The following ABHD17B variants were observed in gnomAD, a reference collection of about 807,000 sequenced individuals.
The protein encoded by ABHD17B is abhydrolase domain containing 17B, depalmitoylase.
In ABHD17B, 9 loss-of-function variants were observed where a neutral mutation model predicts 26.2. The ratio of observed to expected loss-of-function variants is 0.34; its 90% CI spans 0.21 to 0.60. ABHD17B has a LOEUF of 0.60. Ranked by LOEUF, ABHD17B falls within the 20% of genes least tolerant of loss-of-function variation. ABHD17B has a pLI of 0.80. For synonymous variants in ABHD17B, 127 were observed against 122.3 expected (o/e 1.04, Z -0.25); for missense variants, 224 against 352.1 (o/e 0.64, Z 2.91).
chr9:71,910,276 G>A (rs1008222283), intron 1 of ABHD17B, among the ~76,000 whole-genome samples: 1 of 152,112 alleles, frequency 6.6e-6, no homozygotes, highest in East Asian at 1.9e-4. Context: ...GAAAAGCAAA[G>A]GAAATGAAAT....
chr9:71,900,490 A>AAAT (rs1448738980), intron 1 of ABHD17B, among the ~76,000 whole-genome samples: 1 of 151,874 alleles, frequency 6.6e-6, no homozygotes, highest in East Asian at 1.9e-4. Context: ...TCTCTACTAA[A>AAAT]AATACAAAAA....
chr9:71,890,780 T>C (rs2132177960), intron 1 of ABHD17B, among the ~76,000 whole-genome samples: 1 of 152,338 alleles, frequency 6.6e-6, no homozygotes, highest in Middle Eastern at 3.4e-3. Context: ...TTTTTGCCTT[T>C]TTATTACATT....
intron 1 of ABHD17B, among the ~76,000 whole-genome samples, chr9:71,902,015 A>T (rs1216064247): frequency 1.3e-5 from 2 of 152,106 alleles, no homozygotes; most frequent in Non-Finnish European, 2.9e-5. Context: ...TCATTTATTT[A>T]ATTTAACAGG....
intron 1 of ABHD17B, among the ~76,000 whole-genome samples, chr9:71,906,719 G>A (rs1827294992): frequency 6.6e-6 from 1 of 152,106 alleles, no homozygotes; most frequent in Admixed American, 6.6e-5. Flanking sequence ...TCAGGAGGCT[G>A]AAGTGGGAGG....
At chr9:71,862,687 T>C (rs1589202398), downstream of ABHD17B, 1 of 615,070 alleles carries the variant, frequency 1.6e-6, no homozygotes, top group Admixed American at 3.3e-5. Context: ...TAACTGTTTA[T>C]GAAAAATCAC....
intron 1 of ABHD17B, among the ~76,000 whole-genome samples, chr9:71,885,960 A>C (rs921943188): frequency 6.6e-5 from 10 of 152,214 alleles, no homozygotes; most frequent in Non-Finnish European, 1.0e-4. Flanking sequence ...AAAACATTTA[A>C]AAGAATGCTT....
intron 1 of ABHD17B, among the ~76,000 whole-genome samples, chr9:71,907,717 G>C (rs1256590470): frequency 6.6e-6 from 1 of 152,098 alleles, no homozygotes; most frequent in Non-Finnish European, 1.5e-5. Context: ...CTCCATGTTG[G>C]TCAGGCTGGT....
intron 1 of ABHD17B, among the ~76,000 whole-genome samples, chr9:71,878,202 T>C (rs1826336259): frequency 6.6e-6 from 1 of 152,168 alleles, no homozygotes; most frequent in African/African-American, 2.4e-5. Flanking sequence ...AACTTGTTCT[T>C]ATAAAACTCA....
At chr9:71,885,358 T>C (rs1589221560) in intron 1 of ABHD17B, among the ~76,000 whole-genome samples, 2 of 150,368 alleles carry the variant, frequency 1.3e-5, no homozygotes, top group African/African-American at 4.9e-5. Context: ...TACTCAGGAG[T>C]CTGAGGCAGG....
At chr9:71,905,484 T>TA (rs1159040899) in intron 1 of ABHD17B, among the ~76,000 whole-genome samples, 1 of 152,148 alleles carries the variant, frequency 6.6e-6, no homozygotes, top group African/African-American at 2.4e-5. Flanking sequence ...TTCTACCTTC[T>TA]AAAATATCTG....
chr9:71,895,360 A>G (rs919601467), intron 1 of ABHD17B, among the ~76,000 whole-genome samples: 1 of 152,240 alleles, frequency 6.6e-6, no homozygotes, highest in Admixed American at 6.5e-5. Flanking sequence ...CTGGAAGCCA[A>G]GAAGTTATAA....
At chr9:71,872,903 T>C (rs2132133557) in intron 2 of ABHD17B, among the ~76,000 whole-genome samples, 1 of 152,190 alleles carries the variant, frequency 6.6e-6, no homozygotes, top group East Asian at 1.9e-4. Flanking sequence ...TGTTTTTATA[T>C]AATTTCAGTT....
intron 2 of ABHD17B, among the ~76,000 whole-genome samples, chr9:71,872,318 C>T (rs1265995907): frequency 2.0e-5 from 3 of 152,096 alleles, no homozygotes; most frequent in African/African-American, 7.2e-5. Flanking sequence ...ATGAAATCTG[C>T]CCATTCCTGA....
chr9:71,895,351 T>C (rs958710112), intron 1 of ABHD17B, among the ~76,000 whole-genome samples: 1 of 152,204 alleles, frequency 6.6e-6, no homozygotes, highest in African/African-American at 2.4e-5. Flanking sequence ...TTCTTAGACC[T>C]GGAAGCCAAG....
chr9:71,905,788 G>C (rs1029185489), intron 1 of ABHD17B, among the ~76,000 whole-genome samples: 16 of 152,152 alleles, frequency 1.1e-4, no homozygotes, highest in African/African-American at 3.9e-4. Context: ...ACTTTTGGAG[G>C]GGGCAGGTGG....
chr9:71,906,214 T>C (rs1324702077), intron 1 of ABHD17B, among the ~76,000 whole-genome samples: 1 of 152,368 alleles, frequency 6.6e-6, no homozygotes, highest in Non-Finnish European at 1.5e-5. Flanking sequence ...TTTATTTGTA[T>C]AGTTTTAACA....
Position 71,866,852 on chromosome 9 carries a change from C to T in ABHD17B, c.802G>A (p.Glu268Lys). ...CTTTCAAGATACTGTCCATAAAGTT[C>T]CACATCATTGTGACCTGCTCCTTCA... Reference protein sequence around the residue: ...WVEGAGHNDVELYGQYLERLK... With the variant: ...WVEGAGHNDVKLYGQYLERLK... Residue 268 changes from glutamate (E) to lysine (K), a missense_variant, in exon 4 of 4, where the codon GAA becomes AAA. Physicochemically the swap from Glu to Lys is moderately conservative, Grantham distance 56 (BLOSUM62 1). Coordinates refer to ENST00000333421, the MANE Select transcript of ABHD17B (RefSeq NM_001025780.3). The T allele has an allele frequency of 6.2e-7, 1 of 1,614,168 alleles. No homozygotes were observed. The highest frequency in any genetic ancestry group is 1.1e-5 in the South Asian group (1 of 91,076).
chr9:71,891,687 GA>G (rs1162287119), intron 1 of ABHD17B, among the ~76,000 whole-genome samples: 1 of 152,136 alleles, frequency 6.6e-6, no homozygotes, highest in Non-Finnish European at 1.5e-5. Context: ...CTAGAATAAA[GA>G]GGATTTTGGA....
At chr9:71,867,517 T>C (rs1008252805) in intron 3 of ABHD17B, among the ~76,000 whole-genome samples, 16 of 152,186 alleles carry the variant, frequency 1.1e-4, no homozygotes, top group Non-Finnish European at 2.9e-5. Flanking sequence ...GATTAATGTG[T>C]GAAACAATTT....
Sources: gnomAD v4.1 joint callset for allele counts (sites outside exome capture counted in the v4.1 genomes callset) on GRCh38, gnomAD v4.1.1 for gene constraint, MANE v1.5 for transcripts, NCBI Gene and HGNC (gene_info 2026-07-23, HGNC 2026-07-21) for gene names.